The following ZP1 variants were observed in gnomAD, a reference collection of about 807,000 sequenced individuals.
ZP1 encodes the protein zona pellucida glycoprotein 1.
ZP1 carries 58 observed loss-of-function variants against 67.4 expected under a neutral mutation model. The ratio of observed to expected loss-of-function variants is 0.86; its 90% CI spans 0.70 to 1.07. The LOEUF is 1.07. ZP1 is among the 50% of genes least tolerant of loss of function. The pLI is 0.00. For synonymous variants in ZP1, 333 were observed against 332.7 expected, an observed-to-expected ratio of 1.00 and a Z score of -0.01; for missense variants, 759 against 807.3, an observed-to-expected ratio of 0.94 and a Z score of 0.72.
intron 9 of ZP1, 141 bp from the exon 10 acceptor site, chr11:60,874,792 G>T: frequency 1.4e-6 from 1 of 726,076 alleles, no homozygotes; most frequent in Non-Finnish European, 2.4e-6. Context: ...TCATCATCTT[G>T]GTCAAGCAGC....
intron 9 of ZP1, 25 bp downstream of exon 9, chr11:60,873,800 C>T (rs753712908): frequency 6.2e-7 from 1 of 1,611,928 alleles, no homozygotes; most frequent in African/African-American, 1.3e-5. Context: ...CTGCCGCATG[C>T]CTGGTCCCAT....
chr11:60,873,280 A>C lies in ZP1; in HGVS notation c.1231A>C (p.Ile411Leu), dbSNP rs745910797. The C allele has an allele frequency of 6.3e-7, 1 of 1,582,762 alleles. No individual in the cohort carries two copies. Among genetic ancestry groups the C allele is most frequent in the Admixed American group, 1.7e-5 (1 of 58,064 alleles). ...QPGPLRLELR[I>L]AKDETFSSYY... ...CGGCCCCCTGCGGCTTGAGCTGCGGATTGCCAAAGGTATGCTATGCTATCC... is the reference window on the plus strand; with the variant it reads ...CGGCCCCCTGCGGCTTGAGCTGCGGCTTGCCAAAGGTATGCTATGCTATCC... Residue 411 changes from isoleucine to leucine, a missense_variant, in exon 7 of 12, where the codon ATT (isoleucine) becomes CTT (leucine). Transcript: ENST00000278853.
rs1481974383 is a variant in ZP1, at chr11:60,867,721, CCCAGG to C, written c.170_174del (p.Gly57AspfsTer9). On this transcript the variant is annotated frameshift_variant, in exon 1 of 12. Transcript: ENST00000278853. LOFTEE classifies it high-confidence loss of function. Reference sequence around the variant, plus strand: ...CAAGGGAATGCAGCTGCTGGTGTTCCCCAGGCCAGGCCAGACTCTCCGCTTCAAGG... The same window carrying C: ...CAAGGGAATGCAGCTGCTGGTGTTCCCCAGGCCAGACTCTCCGCTTCAAGG... 1 of 1,613,998 alleles carries C rather than the reference CCCAGG, an allele frequency of 6.2e-7. No homozygotes were observed. The highest frequency in any genetic ancestry group is 8.5e-7 in the Non-Finnish European group (1 of 1,179,960).
intron 6 of ZP1, 169 bp from the exon 7 acceptor site, chr11:60,872,993 C>A: frequency 1.4e-6 from 1 of 731,820 alleles, no homozygotes; most frequent in Non-Finnish European, 2.2e-6. Flanking sequence ...GCAGGGTGAG[C>A]TTCCTGAGCC....
chr11:60,874,250 A>C (rs1001941958), intron 9 of ZP1, among the ~76,000 whole-genome samples: 1 of 152,206 alleles, frequency 6.6e-6, no homozygotes, highest in Admixed American at 6.5e-5. Context: ...TAGATTCTTA[A>C]ATCACTGCCT....
Position 60,875,030 on chromosome 11 carries a change from G to C in ZP1, c.1654+16G>C, listed in dbSNP as rs747211671. The C allele has an allele frequency of 1.9e-6, 3 of 1,614,216 alleles. No individual in the cohort carries two copies. Among genetic ancestry groups the C allele is most frequent in the Non-Finnish European group, 1.7e-6 (2 of 1,180,042 alleles). ...GGCACTACAAGTGAGTCTGGGTTGC[G>C]AGTGGTATTTGTTCCTTTATACATC... is the stretch of plus-strand genomic sequence containing the variant. On this transcript the variant is annotated intron_variant, in intron 10 of 11. Coordinates refer to ENST00000278853, the MANE Select transcript of ZP1 (RefSeq NM_207341.4).
At position 60,875,594 on chromosome 11, in the gene ZP1, G is replaced by T. The variant is rs780133915; in HGVS notation, c.1855G>T (p.Gly619Cys). 3 of 1,614,168 alleles carry T rather than the reference G, an allele frequency of 1.9e-6. No homozygotes were observed. The South Asian group carries it at 3.3e-5, about 18-fold the overall frequency. The change falls in exon 12 of 12, where the codon GGT becomes TGT. Residue 619 changes from glycine to cysteine, a missense_variant. Transcript: ENST00000278853. ...AGCTGTTGCCCTGGTCCTTGGGTTT[G>T]GTGTCTTTGTGGGCCTGAGCCAGAC... ...LPAVALVLGF[G>C]VFVGLSQTWA...
chr11:60,868,281 A>C (rs574937574), intron 1 of ZP1, among the ~76,000 whole-genome samples: 4 of 152,292 alleles, frequency 2.6e-5, no homozygotes, highest in Non-Finnish European at 4.4e-5. Flanking sequence ...TCCTGACCTC[A>C]GGTGATCCAC....
At chr11:60,871,338 G>A (rs777376296) in intron 6 of ZP1, 24 bp downstream of exon 6, 3 of 1,611,368 alleles carry the variant, frequency 1.9e-6, no homozygotes, top group Non-Finnish European at 2.5e-6. Context: ...TCCTCCTACA[G>A]GCGTGGCTGT....
chr11:60,869,958 T>C (rs557295046), intron 3 of ZP1, 58 bp downstream of exon 3: 446 of 1,501,482 alleles, frequency 3.0e-4, no homozygotes, highest in Middle Eastern at 2.3e-3. Context: ...GAGTACAGGG[T>C]GGCCTAACAG....
At chr11:60,872,432 C>T (rs1855590512) in intron 6 of ZP1, among the ~76,000 whole-genome samples, 1 of 152,120 alleles carries the variant, frequency 6.6e-6, no homozygotes, top group South Asian at 2.1e-4. Flanking sequence ...AGGGGTGAGC[C>T]TCCTATACCT....
intron 6 of ZP1, 25 bp from the exon 7 acceptor site, chr11:60,873,137 C>G (rs769885579): frequency 6.6e-7 from 1 of 1,525,300 alleles, no homozygotes; most frequent in Non-Finnish European, 8.8e-7. Context: ...GTCTTCTCCC[C>G]CACCCTCTTG....
chr11:60,871,341 G>A (rs1225139737), intron 6 of ZP1, 27 bp downstream of exon 6: 29 of 1,609,342 alleles, frequency 1.8e-5, no homozygotes, highest in Middle Eastern at 1.7e-4. Context: ...TCCTACAGGC[G>A]TGGCTGTGTG....
chr11:60,869,077 TC>T, intron 1 of ZP1, 67 bp from the exon 2 acceptor site: 1 of 1,592,238 alleles, frequency 6.3e-7, no homozygotes, highest in Non-Finnish European at 8.6e-7. Context: ...GGGAACTCCT[TC>T]CGAGACCCCA....
chr11:60,875,029 C>T lies in ZP1; in HGVS notation c.1654+15C>T, dbSNP rs374707279. Reference sequence around the variant, plus strand: ...TGGCACTACAAGTGAGTCTGGGTTGCGAGTGGTATTTGTTCCTTTATACAT... The same window carrying T: ...TGGCACTACAAGTGAGTCTGGGTTGTGAGTGGTATTTGTTCCTTTATACAT... On this transcript the variant is annotated intron_variant, in intron 10 of 11. Transcript: ENST00000278853. The T allele has an allele frequency of 3.7e-6, 6 of 1,614,100 alleles. No homozygotes were observed. Among genetic ancestry groups the T allele is most frequent in the Non-Finnish European group, 3.4e-6 (4 of 1,180,044 alleles).
At position 60,869,671 on chromosome 11, in the gene ZP1, C is replaced by T. The variant is rs774276093; in HGVS notation, c.453C>T (p.Pro151=). ...SRTLDSQLAP[P]AMFSVSTPQT... is the part of the protein sequence containing the mutation. ...CTCTGGACTCCCAGCTGGCACCACC[C>T]GCCATGTTCTCTGTCTCAACCCCAC... The change falls in exon 3 of 12, where the codon CCC becomes CCT. Residue 151 remains proline, a synonymous_variant. Coordinates refer to ENST00000278853, the MANE Select transcript of ZP1 (RefSeq NM_207341.4). 1.1e-5 allele frequency: 17 copies of T among 1,614,024 alleles called. No homozygotes were observed. The highest frequency in any genetic ancestry group is 1.4e-5 in the Non-Finnish European group (16 of 1,180,024).
At chr11:60,871,184 C>T (rs1181308632) in intron 5 of ZP1, 33 bp from the exon 6 acceptor site, 1 of 1,614,016 alleles carries the variant, frequency 6.2e-7, no homozygotes, top group Non-Finnish European at 8.5e-7. Flanking sequence ...GGTCCCCCAC[C>T]AGAAAGCCTC....
Position 60,870,989 on chromosome 11 carries a change from G to C in ZP1, c.859G>C (p.Val287Leu). The change falls in exon 5 of 12, where the codon GTC becomes CTC. Residue 287 changes from valine to leucine, a missense_variant. Transcript: ENST00000278853. The stretch of plus-strand genomic sequence containing the variant: ...CCAGTGCTTCAGAGATGGCTACTTC[G>C]TCCTCGTGGTGTCCCAAGAAATGGC... ...TVQCFRDGYF[V>L]LVVSQEMALT... 1 of 1,614,130 alleles carries C rather than the reference G, an allele frequency of 6.2e-7. No individual in the cohort carries two copies. The highest frequency in any genetic ancestry group is 8.5e-7 in the Non-Finnish European group (1 of 1,180,004).
intron 6 of ZP1, among the ~76,000 whole-genome samples, chr11:60,872,466 G>A (rs905976370): frequency 5.3e-5 from 8 of 152,222 alleles, no homozygotes; most frequent in Admixed American, 6.5e-5. Context: ...TTGGTACCAG[G>A]CCTCTGGGGT....
Sources: gnomAD v4.1 joint callset for allele counts (sites outside exome capture counted in the v4.1 genomes callset) on GRCh38, gnomAD v4.1.1 for gene constraint, MANE v1.5 for transcripts, NCBI Gene and HGNC (gene_info 2026-07-23, HGNC 2026-07-21) for gene names.